The following CERKL variants were observed in gnomAD, a reference collection of about 807,000 sequenced individuals.
CERKL encodes the protein ceramide kinase-like protein.
A neutral mutation model predicts 63.4 loss-of-function variants in CERKL; 61 were observed. The ratio of observed to expected loss-of-function variants is 0.96; its 90% confidence interval spans 0.78 to 1.19. The LOEUF (loss-of-function observed/expected upper bound fraction) is 1.19. Among genes scored for constraint, CERKL ranks in the 50% most tolerant of loss-of-function variants. The probability of loss-of-function intolerance (pLI) is 0.00; values close to 1 mark genes in which losing one functional copy is unlikely to be tolerated. For synonymous variants in CERKL, 250 were observed against 230.5 expected (o/e 1.08, Z -0.77); for missense variants, 675 against 655.5 (o/e 1.03, Z -0.33).
At position 181,548,710 on chromosome 2, in the gene CERKL, A is replaced by G. The variant is rs1687844821; in HGVS notation, c.1043T>C (p.Phe348Ser). 1 of 1,614,020 alleles carries G rather than the reference A, an allele frequency of 6.2e-7. No individual in the cohort carries two copies. Reference protein sequence around the residue: ...RWMSPNQRRDFAVVKALAKLK... With the variant: ...RWMSPNQRRDSAVVKALAKLK... ...TTTTGCCAGTGCCTTAACAACAGCA[A>G]AATCTCTCCGTTGGTTAGGGGACAT... Residue 348 changes from phenylalanine to serine, a missense_variant, in exon 7 of 13, where the codon TTT (phenylalanine) becomes TCT (serine). Phe to Ser is a radical substitution (Grantham distance 155, BLOSUM62 -2). Transcript: ENST00000410087.
chr2:181,624,545 C>T (rs930593376), intron 1 of CERKL, among the ~76,000 whole-genome samples: 53 of 152,162 alleles, frequency 3.5e-4, no homozygotes, highest in African/African-American at 1.1e-3. Flanking sequence ...CAAACAAAAA[C>T]GAAATTGCTA....
intron 1 of CERKL, among the ~76,000 whole-genome samples, chr2:181,623,290 T>C (rs1686535663): frequency 6.6e-6 from 1 of 152,166 alleles, no homozygotes; most frequent in Admixed American, 6.6e-5. Flanking sequence ...AAATGTAACT[T>C]GAAGTTACAG....
At chr2:181,631,559 C>A (rs1001344449) in intron 1 of CERKL, among the ~76,000 whole-genome samples, 3 of 152,082 alleles carry the variant, frequency 2.0e-5, no homozygotes, top group Admixed American at 2.0e-4. Context: ...CTCCACAGCA[C>A]CCCCCTTCAT....
intron 1 of CERKL, among the ~76,000 whole-genome samples, chr2:181,651,397 T>C (rs1244391146): frequency 6.6e-6 from 1 of 152,208 alleles, no homozygotes; most frequent in Non-Finnish European, 1.5e-5. Flanking sequence ...GTAAATGTGA[T>C]ACACATTAAC....
At chr2:181,603,659 T>C in intron 2 of CERKL, 178 bp downstream of exon 2, 1 of 717,024 alleles carries the variant, frequency 1.4e-6, no homozygotes, top group Non-Finnish European at 2.5e-6. Context: ...AATATGATTA[T>C]CTCAATTAAT....
chr2:181,585,093 G>A (rs1684704281), intron 2 of CERKL, among the ~76,000 whole-genome samples: 1 of 151,880 alleles, frequency 6.6e-6, no homozygotes, highest in Admixed American at 6.6e-5. Context: ...TGCCCACTGT[G>A]TATAGAAGAG....
intron 3 of CERKL, among the ~76,000 whole-genome samples, chr2:181,566,823 G>A (rs766442002): frequency 1.3e-5 from 2 of 152,130 alleles, no homozygotes; most frequent in Non-Finnish European, 2.9e-5. Flanking sequence ...ATGGCACCAA[G>A]CATCACAACC....
intron 1 of CERKL, among the ~76,000 whole-genome samples, chr2:181,642,390 A>G (rs953363162): frequency 1.3e-5 from 2 of 152,036 alleles, no homozygotes; most frequent in Non-Finnish European, 2.9e-5. Flanking sequence ...TTGCTCTACT[A>G]AGTCTCACGT....
At position 181,548,812 on chromosome 2, in the gene CERKL, T is replaced by C; in HGVS notation, c.941A>G (p.Lys314Arg). ...GGCTGAGAACCCAAAGCGAAGAAGC[T>C]TGCCAGCGGTGCTGAAGGTGCAGAC... Reference protein sequence around the residue: ...VDVCTFSTAGKLLRFGFSAMF... With the variant: ...VDVCTFSTAGRLLRFGFSAMF... The change falls in exon 7 of 13, where the codon AAG (lysine) becomes AGG (arginine). Residue 314 changes from lysine to arginine, a missense_variant. By Grantham distance (26) the Lys-to-Arg change is conservative. Transcript: ENST00000410087. The C allele has an allele frequency of 1.2e-6, 2 of 1,614,058 alleles. No homozygotes were observed. The highest frequency in any genetic ancestry group is 1.7e-6 in the Non-Finnish European group (2 of 1,179,960).
chr2:181,627,410 G>C (rs1261272599), intron 1 of CERKL, among the ~76,000 whole-genome samples: 1 of 152,152 alleles, frequency 6.6e-6, no homozygotes, highest in Non-Finnish European at 1.5e-5. Flanking sequence ...TGAAATAAGA[G>C]CAAGAAGAAA....
At chr2:181,539,682 A>G (rs1687405078) in intron 11 of CERKL, among the ~76,000 whole-genome samples, 1 of 152,212 alleles carries the variant, frequency 6.6e-6, no homozygotes, top group Non-Finnish European at 1.5e-5. Context: ...GAAGAACGCA[A>G]GTCTAAACTT....
intron 2 of CERKL, among the ~76,000 whole-genome samples, chr2:181,577,998 A>C (rs1436035107): frequency 6.6e-6 from 1 of 152,162 alleles, no homozygotes; most frequent in Non-Finnish European, 1.5e-5. Flanking sequence ...CCTCACTGCA[A>C]ACATTCTATA....
intron 1 of CERKL, among the ~76,000 whole-genome samples, chr2:181,648,563 T>C (rs1227378529): frequency 6.6e-6 from 1 of 151,994 alleles, no homozygotes; most frequent in African/African-American, 2.4e-5. Context: ...CAGCTGTAAA[T>C]GAAAAAATGA....
intron 1 of CERKL, among the ~76,000 whole-genome samples, chr2:181,621,439 A>C (rs906315478): frequency 6.6e-6 from 1 of 152,202 alleles, no homozygotes; most frequent in East Asian, 1.9e-4. Context: ...TTTGGAGTAG[A>C]AATTAGAGGA....
chr2:181,631,766 C>G (rs1277427312), intron 1 of CERKL, among the ~76,000 whole-genome samples: 2 of 152,130 alleles, frequency 1.3e-5, no homozygotes, highest in Non-Finnish European at 2.9e-5. Context: ...GAAAAGGGCT[C>G]TCGAGTATGG....
intron 4 of CERKL, chr2:181,565,303 A>C: frequency 1.4e-6 from 1 of 692,138 alleles, no homozygotes. Flanking sequence ...TAAATTCTCA[A>C]ATATCTACTC....
chr2:181,617,642 T>A (rs1336669752), intron 1 of CERKL, among the ~76,000 whole-genome samples: 1 of 152,170 alleles, frequency 6.6e-6, no homozygotes, highest in Admixed American at 6.5e-5. Context: ...ATTTAGAAAC[T>A]GTATAATAGT....
At chr2:181,588,668 C>G (rs1015238804) in intron 2 of CERKL, among the ~76,000 whole-genome samples, 2 of 152,176 alleles carry the variant, frequency 1.3e-5, no homozygotes, top group African/African-American at 4.8e-5. Flanking sequence ...AACCTCCATT[C>G]TCTTTTCCAT....
chr2:181,566,143 A>G, intron 3 of CERKL, 22 bp from the exon 4 acceptor site: 1 of 1,584,140 alleles, frequency 6.3e-7, no homozygotes, highest in Non-Finnish European at 8.7e-7. Context: ...ACACACACAC[A>G]TACACAAAGT....
Sources: allele counts gnomAD v4.1 joint callset (sites outside exome capture counted in the v4.1 genomes callset), GRCh38; gene constraint gnomAD v4.1.1; transcripts MANE v1.5; gene names NCBI Gene and HGNC (gene_info 2026-07-23, HGNC 2026-07-21).